The following OPCML variants were observed in gnomAD, a reference collection of about 807,000 sequenced individuals.
OPCML encodes the protein opioid-binding protein/cell adhesion molecule.
OPCML carries 13 observed loss-of-function variants against 37.8 expected under a neutral mutation model. That is an observed-to-expected ratio of 0.34 (90% CI 0.22 to 0.55). OPCML has a LOEUF of 0.55. OPCML is among the 20% of genes least tolerant of loss of function. The pLI, the probability that OPCML is intolerant of heterozygous loss-of-function variation, is 0.91. For synonymous variants in OPCML, 176 were observed against 168.8 expected (o/e 1.04, Z -0.33); for missense variants, 341 against 435.6 (o/e 0.78, Z 1.93).
intron 4 of OPCML, among the ~76,000 whole-genome samples, chr11:132,456,970 G>A (rs1404466931): frequency 5.3e-5 from 8 of 152,196 alleles, no homozygotes; most frequent in Admixed American, 2.0e-4. Context: ...TTGATGTGAT[G>A]AAGATGATGA....
At chr11:132,856,864 C>G (rs189823019) in intron 2 of OPCML, among the ~76,000 whole-genome samples, 13 of 152,332 alleles carry the variant, frequency 8.5e-5, no homozygotes, top group Admixed American at 8.5e-4. Flanking sequence ...GCACAGCACA[C>G]TTGGATCTCA....
At chr11:132,580,342 T>A (rs1262378596) in intron 3 of OPCML, among the ~76,000 whole-genome samples, 1 of 152,156 alleles carries the variant, frequency 6.6e-6, no homozygotes. Context: ...GAAAGAAACA[T>A]GAGAAGTATT....
At chr11:132,650,925 T>C (rs1169598524) in intron 3 of OPCML, among the ~76,000 whole-genome samples, 1 of 152,152 alleles carries the variant, frequency 6.6e-6, no homozygotes, top group Admixed American at 6.5e-5. Flanking sequence ...TTCATTTAAA[T>C]GTTTGGGTAA....
intron 1 of OPCML, among the ~76,000 whole-genome samples, chr11:133,089,075 A>G (rs1948864041): frequency 6.6e-6 from 1 of 152,218 alleles, no homozygotes; most frequent in South Asian, 2.1e-4. Context: ...ATAATATAGA[A>G]TCGTTGGATC....
chr11:133,352,578 G>T (rs942857986), intron 1 of OPCML, among the ~76,000 whole-genome samples: 3 of 152,208 alleles, frequency 2.0e-5, no homozygotes, highest in Non-Finnish European at 4.4e-5. Flanking sequence ...CAGTAAGGAT[G>T]TAAATAGGGA....
intron 1 of OPCML, among the ~76,000 whole-genome samples, chr11:133,207,934 T>C (rs1203629866): frequency 6.6e-6 from 1 of 152,182 alleles, no homozygotes; most frequent in Non-Finnish European, 1.5e-5. Context: ...AGGGTCTTCA[T>C]TCATGCTGTG....
At chr11:133,216,899 A>G (rs1275484553) in intron 1 of OPCML, among the ~76,000 whole-genome samples, 1 of 152,194 alleles carries the variant, frequency 6.6e-6, no homozygotes, top group Non-Finnish European at 1.5e-5. Context: ...TATATATACA[A>G]ATATATGTAA....
chr11:133,479,172 C>T (rs1178158759), intron 1 of OPCML, among the ~76,000 whole-genome samples: 1 of 152,222 alleles, frequency 6.6e-6, no homozygotes, highest in Non-Finnish European at 1.5e-5. Context: ...AGCTGAACCT[C>T]TTGGAGGAAC....
At chr11:133,238,568 G>A (rs1418397265) in intron 1 of OPCML, among the ~76,000 whole-genome samples, 1 of 152,148 alleles carries the variant, frequency 6.6e-6, no homozygotes, top group Admixed American at 6.5e-5. Flanking sequence ...TGCTGACAGC[G>A]TTGGCTTGGC....
At chr11:133,200,938 T>C (rs191361023) in intron 1 of OPCML, among the ~76,000 whole-genome samples, 8 of 152,306 alleles carry the variant, frequency 5.3e-5, no homozygotes, top group African/African-American at 1.4e-4. Context: ...CACTATGGAA[T>C]ACTACAAAGC....
At chr11:132,937,287 G>A (rs1314491542) in intron 2 of OPCML, among the ~76,000 whole-genome samples, 5 of 152,108 alleles carry the variant, frequency 3.3e-5, no homozygotes, top group African/African-American at 4.8e-5. Context: ...TTAGAAACCA[G>A]AAGGAAAGGA....
At chr11:133,502,875 T>C (rs994020722) in intron 1 of OPCML, among the ~76,000 whole-genome samples, 1 of 152,172 alleles carries the variant, frequency 6.6e-6, no homozygotes, top group Admixed American at 6.5e-5. Flanking sequence ...TGGATGGGAC[T>C]GAGGAGGGCC....
chr11:132,707,675 T>A (rs1465523916), intron 2 of OPCML, among the ~76,000 whole-genome samples: 2 of 152,196 alleles, frequency 1.3e-5, no homozygotes, highest in African/African-American at 4.8e-5. Flanking sequence ...ATTACAGCCA[T>A]CACTAGCAGG....
At chr11:132,737,399 G>T (rs533956740) in intron 2 of OPCML, among the ~76,000 whole-genome samples, 15 of 152,084 alleles carry the variant, frequency 9.9e-5, no homozygotes, top group African/African-American at 3.6e-4. Context: ...CCAACTTTTC[G>T]ACACATCATA....
At chr11:133,320,401 C>T (rs1237342028) in intron 1 of OPCML, among the ~76,000 whole-genome samples, 2 of 152,142 alleles carry the variant, frequency 1.3e-5, no homozygotes, top group African/African-American at 2.4e-5. Flanking sequence ...CTGCGTGAGG[C>T]CTTTCAGAAG....
At chr11:132,919,151 T>C (rs7127891) in intron 2 of OPCML, among the ~76,000 whole-genome samples, 17,224 of 152,150 alleles carry the variant, frequency 0.11, 1,178 homozygotes, top group East Asian at 0.34. Flanking sequence ...ATCACAAGGT[T>C]TTGGTCCTTG....
At chr11:132,773,971 T>C (rs1488103395) in intron 2 of OPCML, among the ~76,000 whole-genome samples, 2 of 152,220 alleles carry the variant, frequency 1.3e-5, no homozygotes, top group Non-Finnish European at 2.9e-5. Context: ...GAAAAGGCTC[T>C]GTACTTAGCA....
intron 2 of OPCML, among the ~76,000 whole-genome samples, chr11:132,671,816 GAAGGA>G (rs1371280517): frequency 1.3e-5 from 2 of 151,606 alleles, no homozygotes; most frequent in African/African-American, 4.8e-5. Context: ...GAAAGAAAGA[GAAGGA>G]GAGAGAAAAG....
At chr11:133,390,206 C>G (rs964040080) in intron 1 of OPCML, among the ~76,000 whole-genome samples, 1 of 152,214 alleles carries the variant, frequency 6.6e-6, no homozygotes, top group Non-Finnish European at 1.5e-5. Context: ...CGCCTGTAAT[C>G]CCGGCACTTT....
Sources: gnomAD v4.1 joint callset for allele counts (sites outside exome capture counted in the v4.1 genomes callset) on GRCh38, gnomAD v4.1.1 for gene constraint, MANE v1.5 for transcripts, NCBI Gene and HGNC (gene_info 2026-07-23, HGNC 2026-07-21) for gene names.